Variants in RSPO2 observed in about 807,000 individuals in gnomAD.
RSPO2 encodes the protein R-spondin-2.
Under a neutral mutation model 30.9 loss-of-function variants are expected in RSPO2, and 14 were observed. The observed-to-expected ratio is 0.45, with a 90% confidence interval of 0.30 to 0.71. RSPO2 has a LOEUF of 0.71. RSPO2 is among the 30% of genes least tolerant of loss of function. The probability of loss-of-function intolerance (pLI) is 0.08; values close to 1 mark genes in which losing one functional copy is unlikely to be tolerated. For synonymous variants in RSPO2, 107 were observed against 96.4 expected, an observed-to-expected ratio of 1.11 and a Z score of -0.64; for missense variants, 264 against 301.9, an observed-to-expected ratio of 0.87 and a Z score of 0.93.
At chr8:108,001,110 T>A (rs1815231750) in intron 2 of RSPO2, among the ~76,000 whole-genome samples, 2 of 152,170 alleles carry the variant, frequency 1.3e-5, no homozygotes, top group Admixed American at 6.5e-5. Context: ...GAGAATGGCG[T>A]GAACCCAGGA....
chr8:108,010,519 C>T (rs992799267), intron 2 of RSPO2, among the ~76,000 whole-genome samples: 3 of 152,158 alleles, frequency 2.0e-5, no homozygotes, highest in Admixed American at 6.5e-5. Flanking sequence ...TCCAAAATAT[C>T]TTACACTCCA....
intron 2 of RSPO2, among the ~76,000 whole-genome samples, chr8:108,008,056 G>T (rs528899713): frequency 7.2e-5 from 11 of 152,240 alleles, no homozygotes; most frequent in African/African-American, 2.6e-4. Flanking sequence ...GTACACACAT[G>T]CCTGCACACA....
intron 2 of RSPO2, among the ~76,000 whole-genome samples, chr8:108,000,774 G>A (rs1317980701): frequency 1.3e-5 from 2 of 151,992 alleles, no homozygotes; most frequent in East Asian, 3.9e-4. Context: ...GGCCAAGGTG[G>A]GCAGATCACC....
chr8:107,945,334 C>T (rs1351704411), intron 5 of RSPO2, among the ~76,000 whole-genome samples: 2 of 146,284 alleles, frequency 1.4e-5, no homozygotes, highest in Non-Finnish European at 1.5e-5. Context: ...CTACAAGCTC[C>T]GCCTCCCGGG....
intron 5 of RSPO2, among the ~76,000 whole-genome samples, chr8:107,946,954 T>C (rs1254549593): frequency 1.3e-5 from 2 of 152,096 alleles, no homozygotes; most frequent in Non-Finnish European, 2.9e-5. Flanking sequence ...GTAGGTAAGG[T>C]TGGAGAGAAG....
Position 107,949,406 on chromosome 8 carries a change from G to GATATCCACTCTTTATCCACTCTT in RSPO2, c.616+8673_616+8674insAAGAGTGGATAAAGAGTGGATAT, listed in dbSNP as rs1398594451. ...ATTTTCTTTATCCACTCTTTGATGG[G>GATATCCACTCTTTATCCACTCTT]TATCTAGGTTGGTTCCATATTTTTA... On this transcript the variant is annotated intron_variant, in intron 5 of 5. Coordinates refer to ENST00000276659, the MANE Select transcript of RSPO2 (RefSeq NM_178565.5). Among the ~76,000 whole-genome samples, 1,246 of 152,068 alleles carry GATATCCACTCTTTATCCACTCTT rather than the reference G, an allele frequency of 8.2e-3. 14 individuals are homozygous for GATATCCACTCTTTATCCACTCTT. Among genetic ancestry groups the GATATCCACTCTTTATCCACTCTT allele is most frequent in the African/African-American group, 0.029 (1,189 of 41,476 alleles).
chr8:108,003,285 A>G (rs1815318210), intron 2 of RSPO2, among the ~76,000 whole-genome samples: 1 of 31,346 alleles, frequency 3.2e-5, no homozygotes, highest in Non-Finnish European at 7.5e-5. Context: ...GTGTATATAT[A>G]TATATATATA....
chr8:107,971,974 T>C (rs1488498967), intron 3 of RSPO2, among the ~76,000 whole-genome samples: 4 of 152,122 alleles, frequency 2.6e-5, no homozygotes, highest in African/African-American at 9.7e-5. Flanking sequence ...TCCCTCATGG[T>C]TTTACCACTC....
At position 107,956,156 on chromosome 8, in the gene RSPO2, TA is replaced by T. The variant is rs1459584547; in HGVS notation, c.616+1923del. Among the ~76,000 whole-genome samples, 8 of 152,372 alleles carry T rather than the reference TA, an allele frequency of 5.3e-5. No individual in the cohort carries two copies. In the East Asian group the frequency reaches 9.6e-4, roughly 18 times the overall value. ...TTTTCATTTCCTACATTTTTAAATA[TA>T]AGTAACCTTATTACAGAATAATTTG... On this transcript the variant is annotated intron_variant, in intron 5 of 5. Coordinates refer to ENST00000276659, the MANE Select transcript of RSPO2 (RefSeq NM_178565.5).
chr8:107,904,590 G>A (rs189802630), intron 5 of RSPO2, among the ~76,000 whole-genome samples: 14 of 152,114 alleles, frequency 9.2e-5, no homozygotes, highest in East Asian at 5.8e-4. Flanking sequence ...AATTATTACC[G>A]TTTTTAAGGA....
chr8:107,974,616 G>A (rs952537168), intron 3 of RSPO2, among the ~76,000 whole-genome samples: 2 of 152,222 alleles, frequency 1.3e-5, no homozygotes, highest in Admixed American at 6.5e-5. Context: ...GAGTAATTAT[G>A]TGACTTTGGA....
intron 5 of RSPO2, among the ~76,000 whole-genome samples, chr8:107,926,829 T>C (rs1057498436): frequency 8.5e-5 from 13 of 152,334 alleles, no homozygotes; most frequent in African/African-American, 2.2e-4. Flanking sequence ...TCAGGTAGCA[T>C]GATGCCTCCA....
intron 2 of RSPO2, chr8:108,081,808 G>A (rs1813207323): frequency 1.6e-6 from 1 of 623,342 alleles, no homozygotes. Context: ...CTCCACCGGT[G>A]TGGCTGCTTT....
intron 2 of RSPO2, among the ~76,000 whole-genome samples, chr8:108,059,407 C>G (rs1223958333): frequency 5.3e-5 from 8 of 151,574 alleles, no homozygotes; most frequent in African/African-American, 9.8e-5. Context: ...GTTGGTGGGA[C>G]TGTAAACTAG....
At position 107,964,129 on chromosome 8, in the gene RSPO2, A is replaced by G. The variant is rs1208121617; in HGVS notation, c.284-3312T>C. On this transcript the variant is annotated intron_variant, in intron 3 of 5. Coordinates refer to ENST00000276659, the MANE Select transcript of RSPO2 (RefSeq NM_178565.5). ...ATCTTGGCCTCATTTGCTCTTTGCC[A>G]CTGCATAAAACCAGTGCAGGTGGCC... Among the ~76,000 whole-genome samples, 2 of 152,218 alleles carry G rather than the reference A, an allele frequency of 1.3e-5. 1 individual carries two copies. Among genetic ancestry groups the G allele is most frequent in the Non-Finnish European group, 2.9e-5 (2 of 68,034 alleles).
chr8:107,953,448 T>C (rs182603846), intron 5 of RSPO2, among the ~76,000 whole-genome samples: 2 of 152,224 alleles, frequency 1.3e-5, no homozygotes, highest in East Asian at 1.9e-4. Flanking sequence ...GCAATGACCA[T>C]TGGGATATGT....
chr8:107,933,650 C>T (rs942224982), intron 5 of RSPO2, among the ~76,000 whole-genome samples: 3 of 152,234 alleles, frequency 2.0e-5, no homozygotes, highest in Middle Eastern at 3.4e-3. Context: ...GTTGACATGT[C>T]CTCAATTCTA....
At chr8:107,925,055 A>AT (rs1812315290) in intron 5 of RSPO2, among the ~76,000 whole-genome samples, 1 of 151,986 alleles carries the variant, frequency 6.6e-6, no homozygotes, top group Non-Finnish European at 1.5e-5. Flanking sequence ...ATAACATATG[A>AT]TTTTTTTATT....
rs574686401 is a variant in RSPO2, at chr8:107,974,755, C to A, written c.284-13938G>T. On this transcript the variant is annotated intron_variant, in intron 3 of 5. Transcript: ENST00000276659. ...GAAGAAGAAGAAAATATAATTAAGT[C>A]TCTTCCAGATCTATGTATATAATTT... Among the ~76,000 whole-genome samples the A allele has an allele frequency of 2.0e-5, 3 of 152,124 alleles. No individual in the cohort carries two copies. In the South Asian group the frequency reaches 6.2e-4, roughly 32 times the overall value.
Sources: gnomAD v4.1 joint callset for allele counts (sites outside exome capture counted in the v4.1 genomes callset) on GRCh38, gnomAD v4.1.1 for gene constraint, MANE v1.5 for transcripts, NCBI Gene and HGNC (gene_info 2026-07-23, HGNC 2026-07-21) for gene names.